Variants in MFHAS1 observed in about 807,000 individuals in gnomAD.
MFHAS1 encodes multifunctional ROCO family signaling regulator 1, also known as malignant fibrous histiocytoma-amplified sequence 1.
MFHAS1 carries 50 observed loss-of-function variants against 70.4 expected under a neutral mutation model. That is an observed-to-expected ratio of 0.71 (90% CI 0.57 to 0.90). The LOEUF is 0.90. MFHAS1 is among the 40% of genes least tolerant of loss of function. The probability of loss-of-function intolerance (pLI) is 0.00; values close to 1 mark genes in which losing one functional copy is unlikely to be tolerated. For synonymous variants in MFHAS1, 952 were observed against 620.0 expected (o/e 1.54, Z -7.96); for missense variants, 1,795 against 1,347.6 (o/e 1.33, Z -5.20).
In MFHAS1 at chr8:8,878,632, T is replaced by C. The variant is rs188214253; in HGVS notation, c.2998+11429A>G. ...ATTTTTCTGGTTTTATGTTTTCCCT[T>C]TCCATTGCGTTTTTAAAAATTCCTT... is the stretch of plus-strand genomic sequence containing the variant. On this transcript the variant is annotated intron_variant, in intron 1 of 2. Transcript: ENST00000276282. Among the ~76,000 whole-genome samples, 38 of 151,952 alleles carry C rather than the reference T, an allele frequency of 2.5e-4. 1 individual carries two copies. The highest frequency in any genetic ancestry group is 1.5e-3 in the Admixed American group (23 of 15,238).
At chr8:8,829,871 G>A (rs1458188572) in intron 1 of MFHAS1, among the ~76,000 whole-genome samples, 1 of 152,170 alleles carries the variant, frequency 6.6e-6, no homozygotes, top group Non-Finnish European at 1.5e-5. Context: ...ATTGCCTCAC[G>A]TGAGGTCACG....
In MFHAS1 at chr8:8,890,284, C is replaced by A. The variant is rs542907097; in HGVS notation, c.2775G>T (p.Val925=). Residue 925 remains valine (V), a synonymous_variant, in exon 1 of 3, where the codon GTG becomes GTT. Transcript: ENST00000276282. Reference sequence around the variant, plus strand: ...CCCTGGCAGGTCTGTAACTCACAACCACAGGAACTTTCCCTCTATAGGCAA... The same window carrying A: ...CCCTGGCAGGTCTGTAACTCACAACAACAGGAACTTTCCCTCTATAGGCAA... ...QIFAYRGKVP[V]VVSYRPARGV... The A allele has an allele frequency of 6.2e-7, 1 of 1,614,084 alleles. No homozygotes were observed. Among genetic ancestry groups the A allele is most frequent in the African/African-American group, 1.3e-5 (1 of 74,934 alleles).
intron 1 of MFHAS1, among the ~76,000 whole-genome samples, chr8:8,866,260 C>A (rs1050915517): frequency 5.9e-5 from 9 of 151,702 alleles, no homozygotes; most frequent in African/African-American, 2.2e-4. Flanking sequence ...AACTCTGACG[C>A]TGAATGGGAA....
chr8:8,854,919 T>C (rs970077906), intron 1 of MFHAS1, among the ~76,000 whole-genome samples: 3 of 152,168 alleles, frequency 2.0e-5, no homozygotes, highest in African/African-American at 7.2e-5. Flanking sequence ...TGTTTGTTTC[T>C]TTGTTTTTGA....
At chr8:8,792,457 T>A (rs901859533) in intron 2 of MFHAS1, among the ~76,000 whole-genome samples, 2 of 151,956 alleles carry the variant, frequency 1.3e-5, no homozygotes, top group African/African-American at 4.8e-5. Flanking sequence ...AAATAAAAAA[T>A]TAGCTAGGTG....
intron 1 of MFHAS1, among the ~76,000 whole-genome samples, chr8:8,850,160 A>C (rs1177556677): frequency 1.3e-5 from 2 of 152,236 alleles, no homozygotes; most frequent in African/African-American, 2.4e-5. Context: ...AACAGCTATT[A>C]AACTAGTTAA....
intron 1 of MFHAS1, among the ~76,000 whole-genome samples, 189 bp downstream of exon 1, chr8:8,889,872 G>A (rs536547229): frequency 1.3e-5 from 2 of 152,318 alleles, no homozygotes; most frequent in South Asian, 2.1e-4. Context: ...TGACACTTGT[G>A]ACTGCATTTC....
chr8:8,837,730 T>C (rs1267299173), intron 1 of MFHAS1, among the ~76,000 whole-genome samples: 1 of 151,502 alleles, frequency 6.6e-6, no homozygotes, highest in Non-Finnish European at 1.5e-5. Flanking sequence ...GAGATACCAC[T>C]GCACACCCAT....
intron 1 of MFHAS1, among the ~76,000 whole-genome samples, chr8:8,855,316 T>G (rs1305474549): frequency 1.3e-5 from 2 of 152,174 alleles, no homozygotes; most frequent in Non-Finnish European, 2.9e-5. Flanking sequence ...ACAGATGAAT[T>G]AAGACATGGC....
chr8:8,884,505 G>A (rs964614641), intron 1 of MFHAS1, among the ~76,000 whole-genome samples: 4 of 152,118 alleles, frequency 2.6e-5, no homozygotes, highest in Non-Finnish European at 5.9e-5. Context: ...TTGCTTCAGT[G>A]GTCAAAATGA....
chr8:8,810,104 C>T (rs1428251231), intron 1 of MFHAS1, among the ~76,000 whole-genome samples: 4 of 150,606 alleles, frequency 2.7e-5, no homozygotes, highest in Admixed American at 2.6e-4. Context: ...CAGTGGCTCG[C>T]GCCTGTAATC....
intron 1 of MFHAS1, among the ~76,000 whole-genome samples, chr8:8,864,889 A>G (rs1808798810): frequency 6.6e-6 from 1 of 152,226 alleles, no homozygotes; most frequent in Non-Finnish European, 1.5e-5. Context: ...CATCCAAAAA[A>G]TTACTTGAGA....
intron 1 of MFHAS1, among the ~76,000 whole-genome samples, chr8:8,883,962 C>A (rs534111273): frequency 6.7e-6 from 1 of 149,780 alleles, no homozygotes; most frequent in Non-Finnish European, 1.5e-5. Context: ...TTTTGGGAGG[C>A]TGAGTGGGGA....
intron 1 of MFHAS1, among the ~76,000 whole-genome samples, chr8:8,801,004 C>T (rs1273296278): frequency 6.6e-6 from 1 of 152,020 alleles, no homozygotes; most frequent in African/African-American, 2.4e-5. Flanking sequence ...TCACAAGGTC[C>T]GGACATCGAG....
Position 8,892,409 on chromosome 8 carries a change from C to T in MFHAS1, c.650G>A (p.Arg217Gln). 1.2e-6 allele frequency: 2 copies of T among 1,612,986 alleles called. No individual in the cohort carries two copies. The highest frequency in any genetic ancestry group is 1.1e-5 in the South Asian group (1 of 91,034). ...EELDVSSNRL[R>Q]GLPEDISALR... ...GGCACTGATATCCTCAGGCAGGCCC[C>T]GCAGCCGGTTGCTGGACACGTCCAG... The change falls in exon 1 of 3, where the codon CGG (arginine) becomes CAG (glutamine). Residue 217 changes from arginine (R) to glutamine (Q), a missense_variant. By Grantham distance (43) the Arg-to-Gln change is conservative. Coordinates refer to ENST00000276282, the MANE Select transcript of MFHAS1 (RefSeq NM_004225.3). The surrounding 1 kb of genome is among the most constrained non-coding windows in gnomAD (Gnocchi z 4.7).
chr8:8,864,938 T>A (rs1049557023), intron 1 of MFHAS1, among the ~76,000 whole-genome samples: 1 of 152,172 alleles, frequency 6.6e-6, no homozygotes, highest in Non-Finnish European at 1.5e-5. Context: ...TATTAGTTAC[T>A]AGAAAGGGTA....
intron 1 of MFHAS1, among the ~76,000 whole-genome samples, chr8:8,833,349 G>T (rs1039980408): frequency 1.3e-5 from 2 of 152,198 alleles, no homozygotes; most frequent in East Asian, 3.8e-4. Context: ...CTAGACATGG[G>T]CTGAGTGCAG....
intron 1 of MFHAS1, among the ~76,000 whole-genome samples, chr8:8,854,684 CAAA>C (rs34792841): frequency 0.085 from 11,940 of 139,960 alleles, 624 homozygotes; most frequent in African/African-American, 0.15. Flanking sequence ...GACTTTGTCT[CAAA>C]AAAAAAAAAA....
chr8:8,834,176 A>G (rs905130349), intron 1 of MFHAS1, among the ~76,000 whole-genome samples: 1 of 152,190 alleles, frequency 6.6e-6, no homozygotes, highest in Non-Finnish European at 1.5e-5. Context: ...AAACAGGAAC[A>G]GACTACTGTC....
Sources: gnomAD v4.1 joint callset for allele counts (sites outside exome capture counted in the v4.1 genomes callset) on GRCh38, gnomAD v4.1.1 for gene constraint, Gnocchi (gnomAD v3.1) non-coding constraint, MANE v1.5 for transcripts, NCBI Gene and HGNC (gene_info 2026-07-23, HGNC 2026-07-21) for gene names.